L3MBTL1: variants seen among roughly 807,000 people sequenced by gnomAD.
The protein encoded by L3MBTL1 is lethal(3)malignant brain tumor-like protein 1.
In L3MBTL1, 75 loss-of-function variants were observed where a neutral mutation model predicts 105.3. The ratio of observed to expected loss-of-function variants is 0.71; its 90% CI spans 0.59 to 0.86. The LOEUF (loss-of-function observed/expected upper bound fraction) is 0.86. L3MBTL1 is among the 40% of genes least tolerant of loss of function. The pLI, the probability that L3MBTL1 is intolerant of heterozygous loss-of-function variation, is 0.00. For synonymous variants in L3MBTL1, 452 were observed against 436.2 expected, an observed-to-expected ratio of 1.04 and a Z score of -0.45; for missense variants, 1,069 against 1,126.4, an observed-to-expected ratio of 0.95 and a Z score of 0.73.
Position 43,513,572 on chromosome 20 carries a change from G to A in L3MBTL1, c.69G>A (p.Met23Ile). 6.4e-7 allele frequency: 1 copy of A among 1,550,674 alleles called. No homozygotes were observed. The highest frequency in any genetic ancestry group is 2.0e-5 in the Admixed American group (1 of 50,998). ...LKGPSTGEVS[M>I]HLVAGDSPGS... ...GGCCTTCCACAGGGGAGGTCAGCAT[G>A]CACTTGGTGGCCGGAGACAGCCCCG... Residue 23 changes from methionine (M) to isoleucine (I), a missense_variant, in exon 2 of 22, where the codon ATG becomes ATA. Met to Ile is a conservative substitution (Grantham distance 10). Coordinates refer to ENST00000418998, the MANE Select transcript of L3MBTL1 (RefSeq NM_001377303.1).
chr20:43,548,025 C>T, intron 18 of L3MBTL1: 1 of 931,180 alleles, frequency 1.1e-6, no homozygotes, highest in Non-Finnish European at 1.5e-6. Flanking sequence ...CCCCATTCCC[C>T]ATGCACACCC....
chr20:43,537,185 C>A (rs2019674997), intron 19 of L3MBTL1, among the ~76,000 whole-genome samples: 1 of 152,258 alleles, frequency 6.6e-6, no homozygotes, highest in South Asian at 2.1e-4. Flanking sequence ...TGTCAGTTCA[C>A]TTCTCACTCC....
chr20:43,542,256 T>C (rs1431160310), downstream of L3MBTL1, among the ~76,000 whole-genome samples: 1 of 151,816 alleles, frequency 6.6e-6, no homozygotes, highest in South Asian at 2.1e-4. Context: ...CCTGGAAGAG[T>C]GTCTGTATCC....
chr20:43,534,617 A>G, intron 15 of L3MBTL1: 2 of 609,090 alleles, frequency 3.3e-6, no homozygotes, highest in Non-Finnish European at 5.8e-6. Flanking sequence ...TCCTCGTCCC[A>G]CCTAAGGATT....
chr20:43,514,507 G>C, intron 3 of L3MBTL1, 128 bp from the exon 4 acceptor site: 1 of 1,547,912 alleles, frequency 6.5e-7, no homozygotes. Context: ...AGGCCCCCTG[G>C]CGTGGAGTCT....
chr20:43,546,160 C>A (rs910249309), downstream of L3MBTL1, among the ~76,000 whole-genome samples: 6 of 152,282 alleles, frequency 3.9e-5, no homozygotes, highest in Middle Eastern at 6.8e-3. Flanking sequence ...AGTGGGCAGG[C>A]CTTCCTGGCA....
At chr20:43,513,325 C>A (rs6017097) in intron 1 of L3MBTL1, among the ~76,000 whole-genome samples, 151 bp from the exon 2 acceptor site, 34,571 of 152,070 alleles carry the variant, frequency 0.23, 4,692 homozygotes, top group African/African-American at 0.38. Context: ...TCTGAAGACA[C>A]CCTACTCCCC....
intron 9 of L3MBTL1, among the ~76,000 whole-genome samples, chr20:43,529,690 T>C (rs985457731): frequency 6.6e-6 from 1 of 152,184 alleles, no homozygotes; most frequent in Non-Finnish European, 1.5e-5. Flanking sequence ...CAAATAAACA[T>C]GTCAGTGACA....
downstream of L3MBTL1, among the ~76,000 whole-genome samples, chr20:43,545,858 G>T (rs778824527): frequency 7.9e-5 from 12 of 152,200 alleles, no homozygotes; most frequent in Admixed American, 5.2e-4. Flanking sequence ...CAGAGCTGCT[G>T]GGGGGACAGA....
chr20:43,517,917 A>C (rs2018485495), intron 7 of L3MBTL1, among the ~76,000 whole-genome samples: 1 of 152,240 alleles, frequency 6.6e-6, no homozygotes. Flanking sequence ...CACCCATGGT[A>C]TTCATATCAG....
chr20:43,536,493 C>T (rs773853439), intron 19 of L3MBTL1, 35 bp downstream of exon 19: 134 of 1,609,124 alleles, frequency 8.3e-5, no homozygotes, highest in Non-Finnish European at 1.1e-4. Context: ...TGTCCTCCAC[C>T]ACAGAGTGTT....
At chr20:43,509,143 T>C (rs1277562260) in intron 1 of L3MBTL1, among the ~76,000 whole-genome samples, 2 of 152,186 alleles carry the variant, frequency 1.3e-5, no homozygotes, top group Non-Finnish European at 2.9e-5. Context: ...TGCTCCAAAG[T>C]TCCCACTTTT....
chr20:43,519,335 T>TG (rs2018584200), intron 7 of L3MBTL1, among the ~76,000 whole-genome samples: 1 of 57,332 alleles, frequency 1.7e-5, no homozygotes, highest in Non-Finnish European at 3.2e-5. Flanking sequence ...AAACCCTGAC[T>TG]CAAAAAAAAA....
At chr20:43,528,183 A>T (rs1199966819) in intron 7 of L3MBTL1, among the ~76,000 whole-genome samples, 1 of 152,072 alleles carries the variant, frequency 6.6e-6, no homozygotes, top group African/African-American at 2.4e-5. Flanking sequence ...GTGAGCTACC[A>T]TGCCCAGCCG....
intron 7 of L3MBTL1, among the ~76,000 whole-genome samples, chr20:43,521,063 C>T (rs867525216): frequency 6.6e-6 from 1 of 152,164 alleles, no homozygotes; most frequent in Non-Finnish European, 1.5e-5. Flanking sequence ...TGTTCCCAGG[C>T]GTAGATCCCT....
chr20:43,535,772 CT>C, intron 16 of L3MBTL1, 64 bp from the exon 17 acceptor site: 1 of 1,069,666 alleles, frequency 9.3e-7, no homozygotes. Context: ...GAAACTGCTC[CT>C]TCCGTGCCCC....
intron 7 of L3MBTL1, among the ~76,000 whole-genome samples, chr20:43,527,786 C>G (rs932502458): frequency 6.0e-5 from 9 of 150,560 alleles, no homozygotes; most frequent in Non-Finnish European, 1.2e-4. Context: ...GTGGCATGTT[C>G]TCGGCTCACT....
intron 13 of L3MBTL1, among the ~76,000 whole-genome samples, chr20:43,533,735 A>T (rs2019461711): frequency 6.6e-6 from 1 of 152,154 alleles, no homozygotes; most frequent in African/African-American, 2.4e-5. Flanking sequence ...TACAGTAGAG[A>T]TTCAAATGGG....
At chr20:43,533,663 A>T (rs2019457896) in intron 13 of L3MBTL1, among the ~76,000 whole-genome samples, 1 of 152,068 alleles carries the variant, frequency 6.6e-6, no homozygotes, top group Admixed American at 6.6e-5. Context: ...TCAGCAAGGA[A>T]ACAGGGAATC....
Sources: allele counts gnomAD v4.1 joint callset (sites outside exome capture counted in the v4.1 genomes callset), GRCh38; gene constraint gnomAD v4.1.1; transcripts MANE v1.5; gene names NCBI Gene and HGNC (gene_info 2026-07-23, HGNC 2026-07-21).